The following ZRANB3 variants were observed in gnomAD, a reference collection of about 807,000 sequenced individuals.
The protein encoded by ZRANB3 is DNA annealing helicase and endonuclease ZRANB3.
A neutral mutation model predicts 133.8 loss-of-function variants in ZRANB3; 125 were observed. The ratio of observed to expected loss-of-function variants is 0.93; its 90% confidence interval spans 0.81 to 1.08. The LOEUF is 1.08. ZRANB3 is among the 50% of genes least tolerant of loss of function. The pLI, the probability that ZRANB3 is intolerant of heterozygous loss-of-function variation, is 0.00. For synonymous variants in ZRANB3, 387 were observed against 432.7 expected, an observed-to-expected ratio of 0.89 and a Z score of 1.31; for missense variants, 1,229 against 1,275.5, an observed-to-expected ratio of 0.96 and a Z score of 0.56.
At chr2:135,356,023 C>A (rs1428397019) in intron 3 of ZRANB3, among the ~76,000 whole-genome samples, 1 of 152,126 alleles carries the variant, frequency 6.6e-6, no homozygotes. Context: ...GTATGACTAA[C>A]AATGTTCTGT....
chr2:135,415,122 A>C (rs1239246341), intron 2 of ZRANB3, among the ~76,000 whole-genome samples: 1 of 150,806 alleles, frequency 6.6e-6, no homozygotes, highest in Non-Finnish European at 1.5e-5. Context: ...AACGGAAGGA[A>C]ATAGAGACAA....
At chr2:135,337,977 G>T (rs192928075) in intron 6 of ZRANB3, among the ~76,000 whole-genome samples, 4 of 152,212 alleles carry the variant, frequency 2.6e-5, no homozygotes, top group Admixed American at 2.6e-4. Flanking sequence ...ACTTAGTTCA[G>T]CCATTTTATT....
At chr2:135,334,147 T>C (rs1443761223) in intron 6 of ZRANB3, among the ~76,000 whole-genome samples, 1 of 152,188 alleles carries the variant, frequency 6.6e-6, no homozygotes, top group African/African-American at 2.4e-5. Context: ...CTAATGCATA[T>C]CTGATGGCTA....
At chr2:135,433,135 A>T (rs1229653707) in intron 2 of ZRANB3, among the ~76,000 whole-genome samples, 3 of 152,144 alleles carry the variant, frequency 2.0e-5, no homozygotes, top group Non-Finnish European at 4.4e-5. Flanking sequence ...GTGGATAAGG[A>T]AGAATGAACC....
At chr2:135,389,173 C>T (rs1277290786) in intron 3 of ZRANB3, among the ~76,000 whole-genome samples, 3 of 152,150 alleles carry the variant, frequency 2.0e-5, no homozygotes, top group South Asian at 4.1e-4. Flanking sequence ...TATTGTTTCC[C>T]AAATGTCTAT....
At chr2:135,469,854 AT>A (rs1478749393) in intron 2 of ZRANB3, among the ~76,000 whole-genome samples, 1 of 151,074 alleles carries the variant, frequency 6.6e-6, no homozygotes, top group Non-Finnish European at 1.5e-5. Flanking sequence ...CTACTAAAAA[AT>A]ACAAAAAATT....
At chr2:135,368,116 C>T (rs556694004) in intron 3 of ZRANB3, among the ~76,000 whole-genome samples, 33 of 152,172 alleles carry the variant, frequency 2.2e-4, no homozygotes, top group South Asian at 4.1e-4. Flanking sequence ...AATGTCATCA[C>T]ATGCTAGTCA....
At chr2:135,275,603 TA>T in intron 9 of ZRANB3, 32 bp downstream of exon 9, 1 of 1,534,350 alleles carries the variant, frequency 6.5e-7, no homozygotes. Context: ...ATATGCATTC[TA>T]AAAAGTATTT....
intron 12 of ZRANB3, among the ~76,000 whole-genome samples, chr2:135,260,316 C>T (rs893078460): frequency 7.9e-5 from 12 of 151,932 alleles, no homozygotes; most frequent in African/African-American, 2.9e-4. Context: ...AGGCAGTGAC[C>T]CTGGTGATGG....
chr2:135,429,345 GAAC>G (rs960009604), intron 2 of ZRANB3, among the ~76,000 whole-genome samples: 4 of 152,120 alleles, frequency 2.6e-5, no homozygotes, highest in African/African-American at 9.7e-5. Flanking sequence ...GAGTACAGAT[GAAC>G]GCAAAGAAGA....
intron 1 of ZRANB3, chr2:135,511,876 A>T: frequency 5.2e-6 from 4 of 762,796 alleles, no homozygotes; most frequent in African/African-American, 5.1e-5. Context: ...GGCCTAGTTC[A>T]GCAGTGTGTA....
At chr2:135,316,596 T>C (rs918451387) in intron 6 of ZRANB3, among the ~76,000 whole-genome samples, 5 of 152,184 alleles carry the variant, frequency 3.3e-5, no homozygotes, top group Admixed American at 1.3e-4. Context: ...AGGTGTCAAT[T>C]TGAGAAATGT....
chr2:135,264,691 C>T lies in ZRANB3; in HGVS notation c.1539+843G>A, dbSNP rs150513537. 3.0e-3 allele frequency among the ~76,000 whole-genome samples: 449 copies of T among 150,806 alleles called. 3 individuals carry two copies. Among genetic ancestry groups the T allele is most frequent in the African/African-American group, 0.01 (419 of 41,148 alleles). ...ATTTTAGTGAGGTAGAGCTTCTTTT[C>T]ATGTTTATTGGCTATTCAGGTGTCC... On this transcript the variant is annotated intron_variant, in intron 12 of 20. Coordinates refer to ENST00000264159, the MANE Select transcript of ZRANB3 (RefSeq NM_032143.4).
intron 2 of ZRANB3, among the ~76,000 whole-genome samples, chr2:135,405,839 A>G (rs541894982): frequency 2.0e-4 from 30 of 152,376 alleles, no homozygotes; most frequent in African/African-American, 7.0e-4. Context: ...AGGGAAATTT[A>G]TAGTACTAAA....
At chr2:135,379,981 G>A (rs555605797) in intron 3 of ZRANB3, among the ~76,000 whole-genome samples, 15 of 151,630 alleles carry the variant, frequency 9.9e-5, no homozygotes, top group African/African-American at 3.1e-4. Flanking sequence ...CCAAGCAAAT[G>A]GAAAGCAAAA....
intron 6 of ZRANB3, among the ~76,000 whole-genome samples, chr2:135,322,698 A>T (rs1183882489): frequency 6.6e-6 from 1 of 151,968 alleles, no homozygotes; most frequent in Non-Finnish European, 1.5e-5. Context: ...AGCTTGGGTG[A>T]CCAAGCAAGA....
intron 2 of ZRANB3, among the ~76,000 whole-genome samples, chr2:135,404,532 A>G (rs951514696): frequency 3.9e-5 from 6 of 152,234 alleles, no homozygotes; most frequent in African/African-American, 1.4e-4. Flanking sequence ...ACTCTGCAGG[A>G]TATTATCCAG....
intron 2 of ZRANB3, among the ~76,000 whole-genome samples, chr2:135,446,594 GA>G (rs1690033245): frequency 6.6e-6 from 1 of 152,202 alleles, no homozygotes; most frequent in Admixed American, 6.5e-5. Context: ...CAAGCTTGAT[GA>G]AAAGTCGGAT....
intron 8 of ZRANB3, among the ~76,000 whole-genome samples, chr2:135,306,918 G>T (rs2104815823): frequency 6.6e-6 from 1 of 152,014 alleles, no homozygotes; most frequent in South Asian, 2.1e-4. Context: ...TAGAGATGGG[G>T]TTTCACCATG....
Sources: allele counts gnomAD v4.1 joint callset (sites outside exome capture counted in the v4.1 genomes callset), GRCh38; gene constraint gnomAD v4.1.1; transcripts MANE v1.5; gene names NCBI Gene and HGNC (gene_info 2026-07-23, HGNC 2026-07-21).